SIPA1L1: variants seen among roughly 807,000 people sequenced by gnomAD.
SIPA1L1 encodes the protein signal induced proliferation associated 1 like 1.
A neutral mutation model predicts 162.7 loss-of-function variants in SIPA1L1; 26 were observed. The observed-to-expected ratio is 0.16, with a 90% confidence interval of 0.12 to 0.22. SIPA1L1 has a LOEUF of 0.22. SIPA1L1 is among the 10% of genes least tolerant of loss of function. SIPA1L1 has a pLI of 1.00. For synonymous variants in SIPA1L1, 829 were observed against 837.4 expected (o/e 0.99, Z 0.17); for missense variants, 1,874 against 2,241.0 (o/e 0.84, Z 3.31).
chr14:71,652,651 T>G (rs2042725442), intron 8 of SIPA1L1, among the ~76,000 whole-genome samples: 2 of 152,054 alleles, frequency 1.3e-5, no homozygotes. Context: ...CCTAACCTTT[T>G]TTTTTCCTTC....
intron 4 of SIPA1L1, among the ~76,000 whole-genome samples, chr14:71,544,159 A>G (rs189110517): frequency 6.6e-5 from 10 of 151,076 alleles, no homozygotes; most frequent in South Asian, 2.1e-4. Context: ...ACGTGTGTGT[A>G]TATGTACATA....
chr14:71,653,622 G>T (rs1252358357), intron 8 of SIPA1L1, among the ~76,000 whole-genome samples: 2 of 152,046 alleles, frequency 1.3e-5, no homozygotes, highest in African/African-American at 4.8e-5. Context: ...TTTTCTCAAG[G>T]ATCACTATCC....
chr14:71,492,045 C>T (rs1366557466), intron 2 of SIPA1L1, among the ~76,000 whole-genome samples: 3 of 152,136 alleles, frequency 2.0e-5, no homozygotes, highest in Admixed American at 6.5e-5. Context: ...AATGGCGAGG[C>T]ACCACGGTAG....
intron 15 of SIPA1L1, chr14:71,704,909 A>C: frequency 1.4e-6 from 1 of 702,460 alleles, no homozygotes; most frequent in East Asian, 2.7e-5. Context: ...TAATTCATAT[A>C]ATCTAAATTT....
chr14:71,471,437 C>T (rs1043704920), intron 2 of SIPA1L1, among the ~76,000 whole-genome samples: 6 of 152,184 alleles, frequency 3.9e-5, no homozygotes, highest in African/African-American at 1.4e-4. Context: ...CCACTGCACT[C>T]CAGCCTGGGC....
At position 71,564,260 on chromosome 14, in the gene SIPA1L1, C is replaced by T. The variant is rs1411359841; in HGVS notation, c.-302-23311C>T. 6.6e-5 allele frequency among the ~76,000 whole-genome samples: 10 copies of T among 152,036 alleles called. No individual in the cohort carries two copies. The East Asian group carries it at 1.9e-3, about 29-fold the overall frequency. On this transcript the variant is annotated intron_variant, in intron 4 of 23. Coordinates refer to ENST00000381232, the MANE Select transcript of SIPA1L1 (RefSeq NM_001386936.1). ...TGCAATATCTGGCCTCATTTTCCTT[C>T]TTAATACTATTTTCTTTTATAACTT...
At chr14:71,630,868 A>G (rs1039616635) in intron 7 of SIPA1L1, among the ~76,000 whole-genome samples, 4 of 151,160 alleles carry the variant, frequency 2.6e-5, no homozygotes, top group South Asian at 2.1e-4. Context: ...TCTTTTATAT[A>G]TTATATATAT....
chr14:71,565,704 T>G (rs1417094965), intron 4 of SIPA1L1, among the ~76,000 whole-genome samples: 1 of 152,206 alleles, frequency 6.6e-6, no homozygotes, highest in Non-Finnish European at 1.5e-5. Flanking sequence ...GCCATGTTTT[T>G]ATAACTTTCT....
intron 13 of SIPA1L1, among the ~76,000 whole-genome samples, chr14:71,695,467 C>T (rs556762540): frequency 1.8e-4 from 27 of 152,272 alleles, no homozygotes; most frequent in Admixed American, 1.6e-3. Context: ...AACTAGCCTG[C>T]GATATCTTAG....
rs543824496 is a variant in SIPA1L1, at chr14:71,553,776, A to T, written c.-303+24406A>T. Among the ~76,000 whole-genome samples the T allele has an allele frequency of 3.9e-5, 6 of 152,128 alleles. No homozygotes were observed. In the East Asian group the frequency reaches 1.2e-3, roughly 29 times the overall value. Reference sequence around the variant, plus strand: ...TCATATACAATTCTTTTTTTTTCATATAGAAAACAAATATCAGAATGTATG... The same window carrying T: ...TCATATACAATTCTTTTTTTTTCATTTAGAAAACAAATATCAGAATGTATG... On this transcript the variant is annotated intron_variant, in intron 4 of 23. Coordinates refer to ENST00000381232, the MANE Select transcript of SIPA1L1 (RefSeq NM_001386936.1).
intron 6 of SIPA1L1, among the ~76,000 whole-genome samples, chr14:71,622,510 C>T (rs1387306342): frequency 6.6e-6 from 1 of 152,200 alleles, no homozygotes. Flanking sequence ...AAGTTGAGAA[C>T]ACCCCTAGCC....
intron 2 of SIPA1L1, among the ~76,000 whole-genome samples, chr14:71,488,882 A>G (rs866696485): frequency 1.3e-5 from 2 of 152,168 alleles, no homozygotes; most frequent in Non-Finnish European, 2.9e-5. Context: ...GCACTCGGAA[A>G]TTGGTTTTCC....
At chr14:71,497,192 CA>C (rs71105783) in intron 2 of SIPA1L1, among the ~76,000 whole-genome samples, 27,976 of 150,336 alleles carry the variant, frequency 0.19, 3,084 homozygotes, top group Middle Eastern at 0.37. Context: ...AACAAAAAAA[CA>C]AAAAAAAAGA....
In SIPA1L1 at chr14:71,724,809, A is replaced by C; in HGVS notation, c.4588A>C (p.Thr1530Pro). 6.2e-7 allele frequency: 1 copy of C among 1,614,066 alleles called. No homozygotes were observed. The highest frequency in any genetic ancestry group is 8.5e-7 in the Non-Finnish European group (1 of 1,180,002). ...GAAACTAATTGATCTTGAAAGCCCA[A>C]CTCCTGAATCACAGAAGAGTTTTAA... ...LKKLIDLESP[T>P]PESQKSFKFH... is the part of the protein sequence containing the mutation. The change falls in exon 19 of 24, where the codon ACT (threonine) becomes CCT (proline). Residue 1530 changes from threonine (T) to proline (P), a missense_variant. Around this residue, in one of 5 missense-constraint regions of SIPA1L1, gnomAD observed 936 missense variants for 1,051.9 expected, o/e 0.89. Transcript: ENST00000381232.
At chr14:71,437,454 G>GT (rs1472459985) in intron 2 of SIPA1L1, among the ~76,000 whole-genome samples, 1 of 152,170 alleles carries the variant, frequency 6.6e-6, no homozygotes, top group Non-Finnish European at 1.5e-5. Context: ...TGCAACCTCT[G>GT]CCTCTGTGGT....
At chr14:71,621,992 C>T (rs1006889942) in intron 6 of SIPA1L1, among the ~76,000 whole-genome samples, 3 of 152,116 alleles carry the variant, frequency 2.0e-5, no homozygotes, top group Admixed American at 6.6e-5. Context: ...GATATTGGTT[C>T]CTGTCTGTAG....
intron 2 of SIPA1L1, among the ~76,000 whole-genome samples, chr14:71,482,435 C>T (rs1008914192): frequency 2.6e-5 from 4 of 152,174 alleles, no homozygotes; most frequent in Admixed American, 6.5e-5. Context: ...AGAATGGGAA[C>T]AGTCCAGTTC....
intron 2 of SIPA1L1, among the ~76,000 whole-genome samples, chr14:71,404,356 C>T (rs1047059527): frequency 6.6e-6 from 1 of 152,064 alleles, no homozygotes; most frequent in African/African-American, 2.4e-5. Context: ...CCAACCTGGC[C>T]AACATGGTGA....
chr14:71,593,961 T>A (rs180672383), intron 5 of SIPA1L1, among the ~76,000 whole-genome samples: 6 of 152,314 alleles, frequency 3.9e-5, no homozygotes, highest in Non-Finnish European at 5.9e-5. Context: ...CTAAGAGTAT[T>A]TTCCCATTCC....
Sources: allele counts gnomAD v4.1 joint callset (sites outside exome capture counted in the v4.1 genomes callset), GRCh38; gene constraint gnomAD v4.1.1; regional missense constraint gnomAD v4.1.1; transcripts MANE v1.5; gene names NCBI Gene and HGNC (gene_info 2026-07-23, HGNC 2026-07-21).